RBM47: variants seen among roughly 807,000 people sequenced by gnomAD.
RBM47 encodes the protein RNA-binding protein 47.
Under a neutral mutation model 47.1 loss-of-function variants are expected in RBM47, and 21 were observed. The ratio of observed to expected loss-of-function variants is 0.45; its 90% CI spans 0.32 to 0.64. The LOEUF (loss-of-function observed/expected upper bound fraction) is 0.64, where lower values mean the gene tolerates loss of function less well. RBM47 is among the 30% of genes least tolerant of loss of function. RBM47 has a pLI of 0.05. For missense variants in RBM47, 708 were observed against 870.9 expected (o/e 0.81, Z 2.35); for synonymous variants, 375 against 361.7 (o/e 1.04, Z -0.42).
Position 40,429,620 on chromosome 4 carries a change from C to T in RBM47, c.1542+3031G>A, listed in dbSNP as rs565865011. On this transcript the variant is annotated intron_variant, in intron 6 of 6. Transcript: ENST00000295971. ...AGGAGAATCGCTTGAACCCTGGAAG[C>T]GGAAGTTGCAGTGAGCTGAGATCCC... 5.4e-4 allele frequency among the ~76,000 whole-genome samples: 70 copies of T among 130,086 alleles called. No homozygotes were observed. In the Middle Eastern group the frequency reaches 0.014, roughly 26 times the overall value. The allele number at this position is 130,086 out of a possible 152,430, so 85.3% of individuals were successfully genotyped here.
chr4:40,621,306 G>A (rs1430247596), intron 1 of RBM47, among the ~76,000 whole-genome samples: 3 of 152,174 alleles, frequency 2.0e-5, no homozygotes, highest in African/African-American at 4.8e-5. Context: ...CAAAGGCCAC[G>A]AAAAGCAATT....
intron 2 of RBM47, among the ~76,000 whole-genome samples, chr4:40,524,789 G>A (rs1393441057): frequency 6.6e-6 from 1 of 152,122 alleles, no homozygotes; most frequent in Non-Finnish European, 1.5e-5. Flanking sequence ...CTCGGCTAAT[G>A]CTCATTACTA....
At chr4:40,582,014 C>T (rs1281104220) in intron 1 of RBM47, among the ~76,000 whole-genome samples, 1 of 152,054 alleles carries the variant, frequency 6.6e-6, no homozygotes, top group Non-Finnish European at 1.5e-5. Context: ...ACCAGAATCC[C>T]GGTTGGCGCC....
At chr4:40,571,606 A>G (rs1010076606) in intron 1 of RBM47, among the ~76,000 whole-genome samples, 1 of 152,062 alleles carries the variant, frequency 6.6e-6, no homozygotes, top group Non-Finnish European at 1.5e-5. Context: ...CAACTACATA[A>G]AATTTTTTTT....
At chr4:40,506,714 G>A (rs1724146931) in intron 2 of RBM47, among the ~76,000 whole-genome samples, 1 of 152,110 alleles carries the variant, frequency 6.6e-6, no homozygotes, top group South Asian at 2.1e-4. Flanking sequence ...TACCTACCTT[G>A]GGTGCTAGAA....
At chr4:40,626,433 C>T (rs1578094559) in intron 1 of RBM47, among the ~76,000 whole-genome samples, 2 of 152,310 alleles carry the variant, frequency 1.3e-5, no homozygotes, top group Non-Finnish European at 2.9e-5. Context: ...GAGGAGGAGC[C>T]TCCACTTCCC....
At chr4:40,516,891 C>G (rs1282060513) in intron 2 of RBM47, among the ~76,000 whole-genome samples, 3 of 152,200 alleles carry the variant, frequency 2.0e-5, no homozygotes, top group Non-Finnish European at 4.4e-5. Context: ...CACGGGCCAG[C>G]CCCTTATTCT....
intron 2 of RBM47, chr4:40,544,157 A>C (rs183252130): frequency 6.6e-6 from 1 of 152,360 alleles, no homozygotes; most frequent in Admixed American, 6.5e-5. Flanking sequence ...CAGTATTAAA[A>C]GAGTTTCACT....
chr4:40,471,805 A>G (rs1718916516), intron 2 of RBM47, among the ~76,000 whole-genome samples: 1 of 152,098 alleles, frequency 6.6e-6, no homozygotes, highest in African/African-American at 2.4e-5. Flanking sequence ...TAAGGCCTAT[A>G]AAGAGGCTCC....
chr4:40,432,485 A>T (rs548156750), intron 6 of RBM47, among the ~76,000 whole-genome samples, 166 bp downstream of exon 6: 7 of 151,800 alleles, frequency 4.6e-5, no homozygotes, highest in South Asian at 2.1e-4. Context: ...TTAATTAAAA[A>T]TTTTTTTTTC....
At chr4:40,482,924 T>G (rs1357808690) in intron 2 of RBM47, among the ~76,000 whole-genome samples, 1 of 152,214 alleles carries the variant, frequency 6.6e-6, no homozygotes, top group Non-Finnish European at 1.5e-5. Context: ...GAGCTCTTAT[T>G]TTTTGAAAAA....
At position 40,529,515 on chromosome 4, in the gene RBM47, C is replaced by CAAAAAAAAA. The variant is rs56381747; in HGVS notation, c.-155+14898_-155+14906dup. Among the ~76,000 whole-genome samples, 6 of 18,338 alleles carry CAAAAAAAAA rather than the reference C, an allele frequency of 3.3e-4. 1 individual carries two copies. The highest frequency in any genetic ancestry group is 5.3e-4 in the Non-Finnish European group (5 of 9,484). The allele number at this position is 18,338 out of a possible 152,430, so 12.0% of individuals were successfully genotyped here. ...TGGGTGACAGAAGGAGACTCTGTCA[C>CAAAAAAAAA]AAAAAAAAAAAAAAAAAAAAAAAAA... On this transcript the variant is annotated intron_variant, in intron 2 of 6. Transcript: ENST00000295971.
intron 2 of RBM47, among the ~76,000 whole-genome samples, chr4:40,497,752 T>C (rs933295205): frequency 1.3e-5 from 2 of 150,440 alleles, no homozygotes; most frequent in African/African-American, 4.9e-5. Flanking sequence ...GGCAGAAGGA[T>C]AGCTTGAACC....
intron 1 of RBM47, among the ~76,000 whole-genome samples, chr4:40,590,570 T>C (rs1228598328): frequency 2.6e-5 from 4 of 152,136 alleles, no homozygotes; most frequent in Non-Finnish European, 5.9e-5. Context: ...ACATTGTGAA[T>C]AAGAGATCAG....
intron 5 of RBM47, 131 bp downstream of exon 5, chr4:40,436,310 G>T: frequency 1.2e-6 from 1 of 833,776 alleles, no homozygotes. Flanking sequence ...TTTTTGCCTT[G>T]TCTCTAGCTG....
chr4:40,521,081 T>C (rs429945), intron 2 of RBM47, among the ~76,000 whole-genome samples: 5,692 of 152,322 alleles, frequency 0.037, 373 homozygotes, highest in African/African-American at 0.13. Context: ...CACCAGGCAT[T>C]TGAAGTTGTT....
intron 1 of RBM47, among the ~76,000 whole-genome samples, chr4:40,596,370 C>T (rs561302739): frequency 6.6e-6 from 1 of 152,280 alleles, no homozygotes; most frequent in East Asian, 1.9e-4. Flanking sequence ...GTCTTTTATT[C>T]ACTTCCTGGT....
chr4:40,535,719 C>T (rs1335871988), intron 2 of RBM47, among the ~76,000 whole-genome samples: 1 of 152,116 alleles, frequency 6.6e-6, no homozygotes, highest in African/African-American at 2.4e-5. Context: ...GCCACCACCC[C>T]CAGCTACTTT....
At chr4:40,468,219 G>A (rs185123169) in intron 2 of RBM47, among the ~76,000 whole-genome samples, 19 of 152,240 alleles carry the variant, frequency 1.2e-4, no homozygotes, top group Non-Finnish European at 2.2e-4. Context: ...CCTGGGATGC[G>A]GAGGCTGCAG....
Sources: allele counts gnomAD v4.1 joint callset (sites outside exome capture counted in the v4.1 genomes callset), GRCh38; gene constraint gnomAD v4.1.1; transcripts MANE v1.5; gene names NCBI Gene and HGNC (gene_info 2026-07-23, HGNC 2026-07-21).